The following PHLDB2 variants were observed in gnomAD, a reference collection of about 807,000 sequenced individuals.
PHLDB2 encodes the protein pleckstrin homology-like domain family B member 2.
In PHLDB2, 71 loss-of-function variants were observed where a neutral mutation model predicts 123.6. That is an observed-to-expected ratio of 0.57 (90% confidence interval 0.47 to 0.70). The LOEUF (loss-of-function observed/expected upper bound fraction) is 0.70. Among genes scored for constraint, PHLDB2 ranks in the 30% least tolerant of loss-of-function variants. The probability of loss-of-function intolerance (pLI) is 0.00; values close to 1 mark genes in which losing one functional copy is unlikely to be tolerated. For missense variants in PHLDB2, 1,446 were observed against 1,519.5 expected (o/e 0.95, Z 0.80); for synonymous variants, 547 against 541.6 (o/e 1.01, Z -0.14).
chr3:111,944,159 A>C (rs2070117939), intron 8 of PHLDB2, among the ~76,000 whole-genome samples: 1 of 152,240 alleles, frequency 6.6e-6, no homozygotes, highest in African/African-American at 2.4e-5. Flanking sequence ...ACATTTTATA[A>C]GTAGGCAAAC....
At chr3:111,950,002 A>C in intron 10 of PHLDB2, 1 of 691,320 alleles carries the variant, frequency 1.4e-6, no homozygotes, top group Non-Finnish European at 1.8e-6. Context: ...GGCAAGTTGC[A>C]TACTTCTCTG....
At position 111,939,619 on chromosome 3, in the gene PHLDB2, G is replaced by A. The variant is rs767962213; in HGVS notation, c.2275G>A (p.Val759Ile). The change falls in exon 7 of 18, where the codon GTT (valine) becomes ATT (isoleucine). Residue 759 changes from valine to isoleucine, a missense_variant. Around this residue, in one of 3 missense-constraint regions of PHLDB2, gnomAD observed 594 missense variants for 646.0 expected, o/e 0.92. Coordinates refer to ENST00000431670, the MANE Select transcript of PHLDB2 (RefSeq NM_001134438.2). ...AGTTGCTGAATATCAACGGAACATC[G>A]TTTCTAGAAAGGTACTTTTTCCAGG... is the stretch of plus-strand genomic sequence containing the variant. ...REVAEYQRNI[V>I]SRKEKISALK... 1.1e-5 allele frequency: 18 copies of A among 1,606,888 alleles called. No individual in the cohort carries two copies. The highest frequency in any genetic ancestry group is 3.4e-5 in the Admixed American group (2 of 58,034).
intron 1 of PHLDB2, among the ~76,000 whole-genome samples, chr3:111,831,045 GAA>G (rs2063007295): frequency 7.3e-6 from 1 of 137,284 alleles, no homozygotes; most frequent in African/African-American, 2.7e-5. Context: ...AAGGAAGGAA[GAA>G]AGAGAAAAGA....
At chr3:111,934,326 C>A (rs541437073) in intron 6 of PHLDB2, among the ~76,000 whole-genome samples, 1 of 152,230 alleles carries the variant, frequency 6.6e-6, no homozygotes, top group South Asian at 2.1e-4. Context: ...TCCTAAAGTT[C>A]ACTTTAGGAC....
At chr3:111,897,115 C>G (rs2066917119) in intron 2 of PHLDB2, among the ~76,000 whole-genome samples, 1 of 152,162 alleles carries the variant, frequency 6.6e-6, no homozygotes, top group African/African-American at 2.4e-5. Context: ...CTCCTTAACC[C>G]CCATAACCAC....
chr3:111,952,759 T>A, intron 11 of PHLDB2, 47 bp downstream of exon 11: 9 of 1,586,112 alleles, frequency 5.7e-6, no homozygotes, highest in Non-Finnish European at 7.7e-6. Flanking sequence ...TGAGTCTTCT[T>A]GTCATTATAT....
intron 1 of PHLDB2, among the ~76,000 whole-genome samples, chr3:111,799,229 C>T (rs1418066994): frequency 6.6e-6 from 1 of 152,082 alleles, no homozygotes; most frequent in African/African-American, 2.4e-5. Context: ...GGTGGGGACA[C>T]AGCCAAATCA....
At chr3:111,770,753 A>C (rs1474108682) in intron 1 of PHLDB2, among the ~76,000 whole-genome samples, 1 of 152,192 alleles carries the variant, frequency 6.6e-6, no homozygotes, top group African/African-American at 2.4e-5. Context: ...AAAAGTAAAA[A>C]TCTTACTTCT....
chr3:111,924,614 G>T (rs887598781), intron 5 of PHLDB2, among the ~76,000 whole-genome samples: 12 of 152,234 alleles, frequency 7.9e-5, no homozygotes, highest in African/African-American at 2.7e-4. Flanking sequence ...TTCCCCTTAG[G>T]GATCGTGTTT....
rs2066098633 is a variant in PHLDB2, at chr3:111,885,350, C to G, written c.1273C>G (p.Leu425Val). ...SISSISGRDD[L>V]MDYHRRQREE... ...TAGCTCCATTTCAGGACGTGATGAC[C>G]TGATGGATTATCACCGGCGGCAGAG... Residue 425 changes from leucine to valine, a missense_variant, in exon 2 of 18, where the codon CTG becomes GTG. This residue lies in a region of PHLDB2 where 832 missense variants were observed against 831.9 expected (regional missense o/e 1.00). Coordinates refer to ENST00000431670, the MANE Select transcript of PHLDB2 (RefSeq NM_001134438.2). The G allele has an allele frequency of 1.2e-6, 2 of 1,614,014 alleles. No individual in the cohort carries two copies. Among genetic ancestry groups the G allele is most frequent in the Non-Finnish European group, 1.7e-6 (2 of 1,180,038 alleles).
In PHLDB2 at chr3:111,881,773, C is replaced by CT. The variant is rs11298720; in HGVS notation, c.-14-2277dup. Among the ~76,000 whole-genome samples, 332 of 137,412 alleles carry CT rather than the reference C, an allele frequency of 2.4e-3. 2 individuals are homozygous for CT. The highest frequency in any genetic ancestry group is 5.5e-3 in the African/African-American group (204 of 37,046). 90.1% of individuals were successfully genotyped at this position (137,412 alleles called of 152,430 possible). On this transcript the variant is annotated intron_variant, in intron 1 of 17. Coordinates refer to ENST00000431670, the MANE Select transcript of PHLDB2 (RefSeq NM_001134438.2). ...TATGCTCATCACATACCTCACTTTT[C>CT]TTTTTTTTTTTTTTCAGTATTTCTA...
intron 1 of PHLDB2, among the ~76,000 whole-genome samples, chr3:111,804,376 G>C (rs2061491609): frequency 6.6e-6 from 1 of 152,172 alleles, no homozygotes; most frequent in South Asian, 2.1e-4. Context: ...TTAACTATTA[G>C]AGGTAGAAAA....
chr3:111,770,439 A>G (rs1425924577), intron 1 of PHLDB2, among the ~76,000 whole-genome samples: 1 of 152,212 alleles, frequency 6.6e-6, no homozygotes, highest in Non-Finnish European at 1.5e-5. Flanking sequence ...GCAAATGTTA[A>G]GTGGGCTAGC....
intron 17 of PHLDB2, 56 bp from the exon 18 acceptor site, chr3:111,974,367 T>A: frequency 6.8e-7 from 1 of 1,461,810 alleles, no homozygotes; most frequent in Non-Finnish European, 9.2e-7. Flanking sequence ...CTGTGTTATT[T>A]AATGTTGTAT....
At chr3:111,925,769 A>G (rs75777383) in intron 5 of PHLDB2, among the ~76,000 whole-genome samples, 43 of 152,338 alleles carry the variant, frequency 2.8e-4, no homozygotes, top group African/African-American at 9.4e-4. Flanking sequence ...ATCTCAGGCA[A>G]TGGCTAAGAA....
At chr3:111,830,951 G>T (rs1211938606) in intron 1 of PHLDB2, among the ~76,000 whole-genome samples, 2 of 109,720 alleles carry the variant, frequency 1.8e-5, no homozygotes, top group Admixed American at 1.1e-4. Context: ...AGGAAAGAAA[G>T]AAAGAGAAAG....
intron 1 of PHLDB2, among the ~76,000 whole-genome samples, chr3:111,754,725 T>G (rs1445482390): frequency 1.3e-5 from 2 of 148,392 alleles, no homozygotes; most frequent in East Asian, 4.0e-4. Context: ...CCCTGTCTTG[T>G]GCCAGTTTTC....
chr3:111,952,546 A>G (rs748689477), intron 10 of PHLDB2, 26 bp from the exon 11 acceptor site: 2 of 1,599,346 alleles, frequency 1.3e-6, no homozygotes, highest in Non-Finnish European at 8.5e-7. Context: ...AAGTTTTGCT[A>G]TTTTGCTTTG....
In PHLDB2 at chr3:111,974,661, T is replaced by A; in HGVS notation, c.*98T>A. On this transcript the variant is annotated 3_prime_UTR_variant, in exon 18 of 18. Coordinates refer to ENST00000431670, the MANE Select transcript of PHLDB2 (RefSeq NM_001134438.2). ...CAGATGAGAAAACCCAACAGATCCA[T>A]CCCTTGAGCTGTAAACACTCAGAAC... 1 of 1,236,620 alleles carries A rather than the reference T, an allele frequency of 8.1e-7. No homozygotes were observed. The highest frequency in any genetic ancestry group is 1.1e-6 in the Non-Finnish European group (1 of 936,156). 76.6% of individuals were successfully genotyped at this position (1,236,620 alleles called of 1,614,324 possible). A position where few individuals can be genotyped will look rare whatever the true frequency, so the allele number is the denominator to read the frequency against.
Sources: allele counts gnomAD v4.1 joint callset (sites outside exome capture counted in the v4.1 genomes callset), GRCh38; gene constraint gnomAD v4.1.1; regional missense constraint gnomAD v4.1.1; transcripts MANE v1.5; gene names NCBI Gene and HGNC (gene_info 2026-07-23, HGNC 2026-07-21).